The following MUC6 variants were observed in gnomAD, a reference collection of about 807,000 sequenced individuals.
The protein encoded by MUC6 is mucin 6, oligomeric mucus/gel-forming (gene/pseudogene).
In MUC6, 188 loss-of-function variants were observed where a neutral mutation model predicts 201.5. That is an observed-to-expected ratio of 0.93 (90% CI 0.83 to 1.05). The LOEUF (loss-of-function observed/expected upper bound fraction) is 1.05. Ranked by LOEUF, MUC6 falls within the 50% of genes least tolerant of loss-of-function variation. The pLI, the probability that MUC6 is intolerant of heterozygous loss-of-function variation, is 0.00. For synonymous variants in MUC6, 1,228 were observed against 1,389.4 expected, an observed-to-expected ratio of 0.88 and a Z score of 2.58; for missense variants, 2,706 against 3,256.9, an observed-to-expected ratio of 0.83 and a Z score of 4.12.
intron 16 of MUC6, 69 bp from the exon 17 acceptor site, chr11:1,027,586 C>T: frequency 6.3e-7 from 1 of 1,597,598 alleles, no homozygotes; most frequent in Non-Finnish European, 8.5e-7. Flanking sequence ...GGTTCCCCTG[C>T]CTGCCGGGCA....
chr11:1,032,899 A>T (rs562974872), intron 2 of MUC6, 114 bp downstream of exon 2: 1 of 833,004 alleles, frequency 1.2e-6, no homozygotes, highest in Non-Finnish European at 1.9e-6. Context: ...GTTGGTGCAT[A>T]TATGTGTGTT....
In MUC6 at chr11:1,018,622, C is replaced by G. The variant is rs746729293; in HGVS notation, c.4179G>C (p.Thr1393=). 6.2e-7 allele frequency: 1 copy of G among 1,612,494 alleles called. No homozygotes were observed. Among genetic ancestry groups the G allele is most frequent in the African/African-American group, 1.3e-5 (1 of 74,502 alleles). Residue 1393 remains threonine (T), a synonymous_variant, in exon 31 of 33, where the codon ACG becomes ACC. Coordinates refer to ENST00000421673, the MANE Select transcript of MUC6 (RefSeq NM_005961.3). ...PTATETTQTR[T]TTEYTTPQTP... is the part of the protein sequence containing the mutation. ...TTTGGGGCGTTGTGTATTCAGTAGT[C>G]GTTCTTGTTTGAGTGGTCTCTGTGG...
At chr11:1,030,370 A>ATGGGGGAGTGGG in intron 7 of MUC6, 35 bp from the exon 8 acceptor site, 1 of 992,838 alleles carries the variant, frequency 1.0e-6, no homozygotes, top group Non-Finnish European at 1.3e-6. Flanking sequence ...AGAGGGTCCC[A>ATGGGGGAGTGGG]CCCCCCCCAC....
Position 1,025,017 on chromosome 11 carries a change from T to A in MUC6, c.3052A>T (p.Arg1018Trp). ...NMKDDFETRS[R>W]YVASSELELV... ...TCCAGCTCGCTGGATGCCACGTACC[T>A]GCTGCGCGTCTCGAAGTCGTCCTTC... Residue 1018 changes from arginine to tryptophan, a missense_variant, in exon 24 of 33, where the codon AGG becomes TGG. This residue lies in a region of MUC6 where 1,850 missense variants were observed against 1,958.3 expected (regional missense o/e 0.94). Transcript: ENST00000421673. 1 of 1,613,080 alleles carries A rather than the reference T, an allele frequency of 6.2e-7. No homozygotes were observed. The highest frequency in any genetic ancestry group is 8.5e-7 in the Non-Finnish European group (1 of 1,179,834).
rs1465744813 is a variant in MUC6 at position 1,025,188 on chromosome 11, G to A, written c.2979C>T (p.Ala993=). 6.2e-7 allele frequency: 1 copy of A among 1,611,738 alleles called. No individual in the cohort carries two copies. The highest frequency in any genetic ancestry group is 8.5e-7 in the Non-Finnish European group (1 of 1,178,904). The change falls in exon 23 of 33, where the codon GCC becomes GCT. Residue 993 remains alanine (A), a synonymous_variant. Coordinates refer to ENST00000421673, the MANE Select transcript of MUC6 (RefSeq NM_005961.3). ...HMTILIRIAR[A]SQDPLCGLCG... is the part of the protein sequence containing the mutation. ...GGCAGAGGGCGTGCGGTACCTGGGA[G>A]GCACGGGCGATCCTGATGAGGATGG...
chr11:1,036,259 G>A (rs1424485434), intron 1 of MUC6, among the ~76,000 whole-genome samples: 4 of 152,156 alleles, frequency 2.6e-5, no homozygotes, highest in South Asian at 2.1e-4. Context: ...GAGGGAGAGC[G>A]CCAGGGCTGG....
At position 1,015,793 on chromosome 11, in the gene MUC6, A is replaced by G. The variant is rs745998068; in HGVS notation, c.7008T>C (p.Ser2336=). Residue 2336 remains serine (S), a synonymous_variant, in exon 31 of 33, where the codon TCT becomes TCC. Transcript: ENST00000421673. ...AGGTGGGCGTAGGTGTCCCGAGAGA[A>G]GATACCGGGGCAGAAGCAGGGGTGC... ...HGSTPASAPV[S]SLGTPTPTSP... 5 of 1,549,820 alleles carry G rather than the reference A, an allele frequency of 3.2e-6. No individual in the cohort carries two copies. The highest frequency in any genetic ancestry group is 4.5e-5 in the East Asian group (2 of 44,254).
intron 2 of MUC6, 142 bp from the exon 3 acceptor site, chr11:1,032,195 T>C: frequency 8.9e-7 from 1 of 1,126,520 alleles, no homozygotes; most frequent in South Asian, 1.5e-5. Context: ...AGACATCCGA[T>C]GAACCTGAGT....
In MUC6 at chr11:1,026,149, G is replaced by A; in HGVS notation, c.2547-8C>T. On this transcript the variant is annotated splice_region_variant and splice_polypyrimidine_tract_variant and intron_variant, in intron 20 of 32. Coordinates refer to ENST00000421673, the MANE Select transcript of MUC6 (RefSeq NM_005961.3). Reference sequence around the variant, plus strand: ...CTCCCCCTTGAGCAGGAGCTGTGGAGACAGCAGGTGTGGGTGGTGGGCCTG... The same window carrying A: ...CTCCCCCTTGAGCAGGAGCTGTGGAAACAGCAGGTGTGGGTGGTGGGCCTG... 1 of 1,590,022 alleles carries A rather than the reference G, an allele frequency of 6.3e-7. No individual in the cohort carries two copies. The highest frequency in any genetic ancestry group is 8.6e-7 in the Non-Finnish European group (1 of 1,169,482).
intron 1 of MUC6, among the ~76,000 whole-genome samples, chr11:1,034,966 C>T (rs910281685): frequency 1.3e-5 from 2 of 152,248 alleles, no homozygotes; most frequent in Non-Finnish European, 2.9e-5. Flanking sequence ...CTGTGCTTCC[C>T]CTCGGCTGAT....
Position 1,028,274 on chromosome 11 carries a change from C to A in MUC6, c.1705G>T (p.Ala569Ser), listed in dbSNP as rs750469314. The A allele has an allele frequency of 6.2e-7, 1 of 1,602,172 alleles. No individual in the cohort carries two copies. Among genetic ancestry groups the A allele is most frequent in the Non-Finnish European group, 8.5e-7 (1 of 1,175,334 alleles). Residue 569 changes from alanine (A) to serine (S), a missense_variant, in exon 14 of 33, where the codon GCC (alanine) becomes TCC (serine). This residue lies in a region of MUC6 where 1,850 missense variants were observed against 1,958.3 expected (regional missense o/e 0.94). Transcript: ENST00000421673. ...GGGTCAGTCTCACGCTCCAGAGCGGCCGGACAGTTCCCCGCCCGCCAGGAG... is the reference window on the plus strand; with the variant it reads ...GGGTCAGTCTCACGCTCCAGAGCGGACGGACAGTTCCCCGCCCGCCAGGAG... ...VDSWRAGNCP[A>S]ALERETDPCS... is the part of the protein sequence containing the mutation.
intron 12 of MUC6, 37 bp downstream of exon 12, chr11:1,028,852 A>G (rs1455327867): frequency 5.6e-6 from 9 of 1,610,264 alleles, no homozygotes; most frequent in African/African-American, 5.3e-5. Flanking sequence ...CCCCGAAGGC[A>G]CAACTCTGGG....
chr11:1,021,115 C>T (rs1856795151), intron 27 of MUC6, 100 bp downstream of exon 27: 2 of 1,202,134 alleles, frequency 1.7e-6, no homozygotes, highest in Non-Finnish European at 2.3e-6. Flanking sequence ...TAAGGGCTCA[C>T]AGCCCCCGAG....
chr11:1,029,721 C>A, intron 8 of MUC6, 106 bp from the exon 9 acceptor site: 1 of 1,401,982 alleles, frequency 7.1e-7, no homozygotes. Flanking sequence ...CAGGGAGACG[C>A]CCCCTCCAGC....
In MUC6 at chr11:1,026,946, C is replaced by T. The variant is rs758292849; in HGVS notation, c.2389G>A (p.Ala797Thr). ...PTCQMLATGV[A>T]CVPTKCEPGC... The stretch of plus-strand genomic sequence containing the variant: ...CTCCTCGCGCGCCCCCTTACGCAGG[C>T]AACACCGGTGGCCAGCATCTGGCAT... The change falls in exon 19 of 33, where the codon GCC becomes ACC. Residue 797 changes from alanine to threonine, a missense_variant. By Grantham distance (58) the Ala-to-Thr change is moderately conservative. Transcript: ENST00000421673. 1.3e-6 allele frequency: 2 copies of T among 1,585,764 alleles called. No homozygotes were observed. The highest frequency in any genetic ancestry group is 1.7e-6 in the Non-Finnish European group (2 of 1,166,924).
intron 19 of MUC6, 59 bp downstream of exon 19, chr11:1,026,882 C>A (rs1275376172): frequency 1.4e-6 from 2 of 1,442,188 alleles, no homozygotes; most frequent in Non-Finnish European, 1.9e-6. Flanking sequence ...TCTGTGGAAA[C>A]CCCCTCATGG....
rs1315850069 is a variant in MUC6 at position 1,026,234 on chromosome 11, C to T, written c.2546+93G>A. 2.0e-6 allele frequency: 3 copies of T among 1,526,168 alleles called. No homozygotes were observed. The African/African-American group carries it at 4.1e-5, about 21-fold the overall frequency. 94.5% of individuals were successfully genotyped at this position (1,526,168 alleles called of 1,614,324 possible). A position where few individuals can be genotyped will look rare whatever the true frequency, so the allele number is the denominator to read the frequency against. ...GAGGCCAGACTGCACCTCTGGACGC[C>T]CCCGCCTCTGGGACAGCCCCACCCC... On this transcript the variant is annotated intron_variant, in intron 20 of 32. Transcript: ENST00000421673.
chr11:1,028,143 T>G, intron 14 of MUC6, 83 bp downstream of exon 14: 1 of 1,534,406 alleles, frequency 6.5e-7, no homozygotes, highest in Non-Finnish European at 8.8e-7. Context: ...CCCTGGCAGC[T>G]GGGCCTGTGG....
rs374212587 is a variant in MUC6 at position 1,015,770 on chromosome 11, G to A, written c.7031C>T (p.Thr2344Ile). 9 of 1,533,034 alleles carry A rather than the reference G, an allele frequency of 5.9e-6. 1 individual carries two copies. The Admixed American group carries it at 8.1e-5, about 14-fold the overall frequency. The allele number at this position is 1,533,034 out of a possible 1,614,324, so 95.0% of individuals were successfully genotyped here. ...ACAGAGATGCCACTTACCGGGTGAG[G>A]TGGGCGTAGGTGTCCCGAGAGAAGA... ...PVSSLGTPTP[T>I]SPGVCSVREQ... Residue 2344 changes from threonine (T) to isoleucine (I), a missense_variant, in exon 31 of 33, where the codon ACC becomes ATC. Thr to Ile is a moderately conservative substitution (Grantham distance 89, BLOSUM62 -1). Transcript: ENST00000421673.
Sources: allele counts gnomAD v4.1 joint callset (sites outside exome capture counted in the v4.1 genomes callset), GRCh38; gene constraint gnomAD v4.1.1; regional missense constraint gnomAD v4.1.1; transcripts MANE v1.5; gene names NCBI Gene and HGNC (gene_info 2026-07-23, HGNC 2026-07-21).